Variants in KCNMA1 observed in about 807,000 individuals in gnomAD.
KCNMA1 encodes the protein Calcium-activated potassium channel subunit alpha-1.
Under a neutral mutation model 140.0 loss-of-function variants are expected in KCNMA1, and 29 were observed. The ratio of observed to expected loss-of-function variants is 0.21; its 90% CI spans 0.15 to 0.28. KCNMA1 has a LOEUF of 0.28. Ranked by LOEUF, KCNMA1 falls within the 10% of genes least tolerant of loss-of-function variation. The pLI, the probability that KCNMA1 is intolerant of heterozygous loss-of-function variation, is 1.00. For missense variants in KCNMA1, 880 were observed against 1,602.2 expected (o/e 0.55, Z 7.70); for synonymous variants, 612 against 611.9 (o/e 1.00, Z 0.00).
intron 19 of KCNMA1, among the ~76,000 whole-genome samples, chr10:76,982,188 T>A (rs1358625091): frequency 6.6e-6 from 1 of 152,198 alleles, no homozygotes; most frequent in Non-Finnish European, 1.5e-5. Context: ...AGAAATTAGA[T>A]AATTGCATTA....
At chr10:77,300,933 A>G (rs1173407115) in intron 2 of KCNMA1, among the ~76,000 whole-genome samples, 1 of 152,200 alleles carries the variant, frequency 6.6e-6, no homozygotes, top group Non-Finnish European at 1.5e-5. Flanking sequence ...CTGGCCCCAC[A>G]GGTTCTGATT....
intron 1 of KCNMA1, among the ~76,000 whole-genome samples, chr10:77,610,284 A>C (rs1022563367): frequency 6.6e-6 from 1 of 152,000 alleles, no homozygotes; most frequent in Non-Finnish European, 1.5e-5. Context: ...GATTATCTGC[A>C]CCCCCCACCA....
intron 2 of KCNMA1, among the ~76,000 whole-genome samples, chr10:77,300,922 G>A (rs953833846): frequency 2.6e-5 from 4 of 152,178 alleles, no homozygotes; most frequent in Non-Finnish European, 4.4e-5. Context: ...TAGGGCACTC[G>A]CTGGCCCCAC....
intron 25 of KCNMA1, 122 bp downstream of exon 25, chr10:76,909,844 G>T: frequency 1.0e-6 from 1 of 1,000,282 alleles, no homozygotes; most frequent in Non-Finnish European, 1.5e-6. Context: ...TCTAAGGTGT[G>T]AGCTTCTAGG....
intron 14 of KCNMA1, among the ~76,000 whole-genome samples, chr10:77,052,682 T>G (rs1036529676): frequency 1.1e-4 from 16 of 151,994 alleles, no homozygotes; most frequent in African/African-American, 3.9e-4. Context: ...CCAGCTTGTA[T>G]TTGGAGGACA....
At chr10:77,369,168 T>C (rs1309689474) in intron 2 of KCNMA1, among the ~76,000 whole-genome samples, 2 of 152,210 alleles carry the variant, frequency 1.3e-5, no homozygotes, top group Non-Finnish European at 2.9e-5. Flanking sequence ...AGTCTTCCAG[T>C]CCATGAACAT....
intron 1 of KCNMA1, among the ~76,000 whole-genome samples, chr10:77,632,418 A>G (rs530494088): frequency 6.6e-6 from 1 of 152,258 alleles, no homozygotes; most frequent in Non-Finnish European, 1.5e-5. Context: ...CTGGACAACC[A>G]TACCTGCCCA....
At position 77,469,223 on chromosome 10, in the gene KCNMA1, A is replaced by C. The variant is rs569178790; in HGVS notation, c.379-65200T>G. The stretch of plus-strand genomic sequence containing the variant: ...ACTCCTTGGTTTATCAATATTAGAC[A>C]ACTTAGGATGCAGTTAGAGATCCAC... On this transcript the variant is annotated intron_variant, in intron 1 of 27. Transcript: ENST00000286628. Among the ~76,000 whole-genome samples, 23 of 151,918 alleles carry C rather than the reference A, an allele frequency of 1.5e-4. 1 individual carries two copies. Among genetic ancestry groups the C allele is most frequent in the African/African-American group, 5.6e-4 (23 of 41,380 alleles).
At chr10:76,996,020 A>C (rs1193467713) in intron 19 of KCNMA1, among the ~76,000 whole-genome samples, 2 of 152,160 alleles carry the variant, frequency 1.3e-5, no homozygotes, top group Non-Finnish European at 2.9e-5. Context: ...GTACATCTTC[A>C]TAGTGTATTC....
chr10:77,099,756 A>G (rs1412245515), intron 9 of KCNMA1, among the ~76,000 whole-genome samples: 1 of 151,842 alleles, frequency 6.6e-6, no homozygotes, highest in African/African-American at 2.4e-5. Context: ...AAAAGAAGGC[A>G]TGATACGAGG....
intron 2 of KCNMA1, chr10:77,354,616 TGTG>T (rs2093297336): frequency 6.6e-6 from 1 of 152,204 alleles, no homozygotes; most frequent in African/African-American, 2.4e-5. Context: ...GATCATTCTG[TGTG>T]GTAAGTATGC....
chr10:77,251,772 C>G (rs1357846057), intron 2 of KCNMA1, among the ~76,000 whole-genome samples: 6 of 152,146 alleles, frequency 3.9e-5, no homozygotes, highest in African/African-American at 1.4e-4. Flanking sequence ...TCACTGTAAT[C>G]CAGTTTCAGA....
At chr10:77,122,643 G>C (rs1434919894) in intron 5 of KCNMA1, among the ~76,000 whole-genome samples, 1 of 152,014 alleles carries the variant, frequency 6.6e-6, no homozygotes, top group Non-Finnish European at 1.5e-5. Context: ...TGGCCAAAGG[G>C]AAGTCAAAAC....
intron 15 of KCNMA1, 50 bp from the exon 16 acceptor site, chr10:77,027,941 G>T: frequency 6.9e-7 from 1 of 1,452,680 alleles, no homozygotes. Context: ...AATGACCAGA[G>T]CCACATAACA....
chr10:77,560,416 AG>A (rs987802557), intron 1 of KCNMA1, among the ~76,000 whole-genome samples: 1 of 152,230 alleles, frequency 6.6e-6, no homozygotes, highest in Admixed American at 6.5e-5. Flanking sequence ...CAGGGGAAAA[AG>A]CTTTTGAAAG....
At chr10:77,171,920 C>T (rs997037628) in intron 5 of KCNMA1, among the ~76,000 whole-genome samples, 1 of 152,170 alleles carries the variant, frequency 6.6e-6, no homozygotes, top group Admixed American at 6.5e-5. Context: ...TTCCTATAAA[C>T]TTACTGTTCT....
intron 13 of KCNMA1, 78 bp from the exon 14 acceptor site, chr10:77,073,330 C>A: frequency 8.9e-6 from 13 of 1,453,492 alleles, no homozygotes; most frequent in Non-Finnish European, 1.2e-5. Context: ...GGAAATGCAG[C>A]ATTGCCCAAC....
intron 1 of KCNMA1, among the ~76,000 whole-genome samples, chr10:77,439,058 G>A (rs566840892): frequency 9.0e-5 from 13 of 145,156 alleles, no homozygotes; most frequent in East Asian, 2.0e-4. Flanking sequence ...GCGACAGAGC[G>A]AGACTCTCTC....
At chr10:77,601,245 T>A (rs987167230) in intron 1 of KCNMA1, among the ~76,000 whole-genome samples, 3 of 152,192 alleles carry the variant, frequency 2.0e-5, no homozygotes, top group Non-Finnish European at 4.4e-5. Flanking sequence ...TGAGGTCCCA[T>A]GCTGAACTAG....
Sources: allele counts gnomAD v4.1 joint callset (sites outside exome capture counted in the v4.1 genomes callset), GRCh38; gene constraint gnomAD v4.1.1; transcripts MANE v1.5; gene names NCBI Gene and HGNC (gene_info 2026-07-23, HGNC 2026-07-21).